Variants in NR4A3 observed in about 807,000 individuals in gnomAD.
NR4A3 encodes the protein nuclear receptor subfamily 4 group A member 3.
Under a neutral mutation model 55.6 loss-of-function variants are expected in NR4A3, and 13 were observed. The observed-to-expected ratio is 0.23, with a 90% confidence interval of 0.15 to 0.37. The LOEUF is 0.37. Among genes scored for constraint, NR4A3 ranks in the 10% least tolerant of loss-of-function variants. The pLI, the probability that NR4A3 is intolerant of heterozygous loss-of-function variation, is 1.00. For missense variants in NR4A3, 646 were observed against 822.8 expected, an observed-to-expected ratio of 0.79 and a Z score of 2.63; for synonymous variants, 342 against 357.9, an observed-to-expected ratio of 0.96 and a Z score of 0.50.
intron 7 of NR4A3, among the ~76,000 whole-genome samples, chr9:99,848,033 T>A (rs758973676): frequency 2.0e-5 from 3 of 152,130 alleles, no homozygotes; most frequent in Non-Finnish European, 4.4e-5. Context: ...GCCTCCTGAG[T>A]AGCTAGGACT....
chr9:99,841,772 A>C (rs1394771735), intron 5 of NR4A3, among the ~76,000 whole-genome samples: 2 of 137,678 alleles, frequency 1.5e-5, no homozygotes, highest in African/African-American at 2.5e-5. Flanking sequence ...GGAGTTCAAG[A>C]CCAGCCTAGG....
At chr9:99,826,815 G>A in intron 2 of NR4A3, 1 of 1,609,844 alleles carries the variant, frequency 6.2e-7, no homozygotes, top group Admixed American at 1.7e-5. Flanking sequence ...AGAGAAAGAT[G>A]TCAAAGGAAA....
At chr9:99,836,658 G>A (rs575220476) in intron 5 of NR4A3, among the ~76,000 whole-genome samples, 1 of 152,310 alleles carries the variant, frequency 6.6e-6, no homozygotes, top group Admixed American at 6.5e-5. Flanking sequence ...GAGAGAGGAG[G>A]GGGGCCTCTT....
chr9:99,839,857 A>G (rs1827621836), intron 5 of NR4A3, among the ~76,000 whole-genome samples: 1 of 152,216 alleles, frequency 6.6e-6, no homozygotes, highest in African/African-American at 2.4e-5. Context: ...TCTTTGTCAA[A>G]CCCCAAACCT....
chr9:99,858,592 T>C (rs563531622), intron 7 of NR4A3, among the ~76,000 whole-genome samples: 10 of 152,216 alleles, frequency 6.6e-5, no homozygotes, highest in Admixed American at 2.6e-4. Flanking sequence ...TAGGAGAGAG[T>C]TATAGAAAAG....
intron 3 of NR4A3, among the ~76,000 whole-genome samples, chr9:99,830,522 C>G (rs912829761): frequency 1.3e-5 from 2 of 152,196 alleles, no homozygotes; most frequent in Non-Finnish European, 2.9e-5. Context: ...ATATCACTAC[C>G]TGAATTCTGC....
intron 5 of NR4A3, 48 bp downstream of exon 5, chr9:99,833,502 T>C (rs370937137): frequency 1.1e-5 from 18 of 1,613,932 alleles, no homozygotes; most frequent in African/African-American, 4.0e-5. Context: ...AGGGTCTCTA[T>C]TTATGGCTAC....
chr9:99,862,058 C>T (rs1308469348), intron 7 of NR4A3, among the ~76,000 whole-genome samples: 1 of 151,122 alleles, frequency 6.6e-6, no homozygotes, highest in East Asian at 1.9e-4. Flanking sequence ...TGCACCACTG[C>T]ACTGCAGCCC....
rs771454842 is a variant in NR4A3 at position 99,828,489 on chromosome 9, C to T, written c.447C>T (p.Pro149=). 1.5e-5 allele frequency: 23 copies of T among 1,581,106 alleles called. No individual in the cohort carries two copies. The highest frequency in any genetic ancestry group is 2.0e-5 in the Non-Finnish European group (23 of 1,165,204). ...PPSTPTTPAF[P]PQAGALWDEA... ...CCACCCCCACCACGCCGGCCTTCCC[C>T]CCGCAGGCGGGGGCGTTATGGGACG... The change falls in exon 3 of 8, where the codon CCC becomes CCT. Residue 149 remains proline, a synonymous_variant. Coordinates refer to ENST00000395097, the MANE Select transcript of NR4A3 (RefSeq NM_006981.4). The surrounding 1 kb of genome is among the most constrained non-coding windows in gnomAD (Gnocchi z 7.7).
intron 6 of NR4A3, among the ~76,000 whole-genome samples, chr9:99,846,897 C>T (rs1480206355): frequency 6.6e-6 from 1 of 152,242 alleles, no homozygotes; most frequent in Non-Finnish European, 1.5e-5. Context: ...ATCCACCCGC[C>T]TTGGCCTCCC....
intron 7 of NR4A3, among the ~76,000 whole-genome samples, chr9:99,857,588 C>A (rs901706801): frequency 6.6e-6 from 1 of 151,936 alleles, no homozygotes; most frequent in African/African-American, 2.4e-5. Context: ...AGATGGACAC[C>A]ATCCTGGCCA....
In NR4A3 at chr9:99,850,407, A is replaced by C. The variant is rs373673807; in HGVS notation, c.1633+2792A>C. On this transcript the variant is annotated intron_variant, in intron 7 of 7. Transcript: ENST00000395097. ...GAAATTGACAGATATCTAAGAGGCC[A>C]GGACGTGTGGGTGCCAGGAAGACCC... Among the ~76,000 whole-genome samples, 27 of 152,380 alleles carry C rather than the reference A, an allele frequency of 1.8e-4. No individual in the cohort carries two copies. In the East Asian group the frequency reaches 2.7e-3, roughly 15 times the overall value.
chr9:99,844,237 C>CAA (rs756408731), intron 5 of NR4A3, among the ~76,000 whole-genome samples: 5 of 152,142 alleles, frequency 3.3e-5, no homozygotes, highest in Non-Finnish European at 7.4e-5. Context: ...CAGTAGTTCT[C>CAA]AATTGGGCTA....
intron 5 of NR4A3, among the ~76,000 whole-genome samples, chr9:99,836,234 C>A (rs1318002568): frequency 6.6e-6 from 1 of 152,030 alleles, no homozygotes; most frequent in Non-Finnish European, 1.5e-5. Flanking sequence ...GAAACCATCA[C>A]AAAGAAAGTT....
intron 7 of NR4A3, among the ~76,000 whole-genome samples, chr9:99,850,116 G>A (rs1180583692): frequency 2.0e-5 from 3 of 152,222 alleles, no homozygotes; most frequent in African/African-American, 7.2e-5. Flanking sequence ...TGATAGGTCA[G>A]GGTGGGGCGG....
chr9:99,831,794 G>A (rs1318521434), intron 3 of NR4A3, among the ~76,000 whole-genome samples: 3 of 152,140 alleles, frequency 2.0e-5, no homozygotes, highest in South Asian at 2.1e-4. Flanking sequence ...TTTGGAGGAC[G>A]AAATATGTTT....
intron 6 of NR4A3, 99 bp downstream of exon 6, chr9:99,844,947 G>A (rs779483603): frequency 8.4e-6 from 8 of 954,894 alleles, no homozygotes; most frequent in Non-Finnish European, 1.3e-5. Flanking sequence ...TTCTCAAGAA[G>A]CAAATGTGAA....
At chr9:99,861,031 T>C (rs1223776035) in intron 7 of NR4A3, among the ~76,000 whole-genome samples, 2 of 152,218 alleles carry the variant, frequency 1.3e-5, no homozygotes, top group African/African-American at 4.8e-5. Flanking sequence ...CCGATTTTCC[T>C]GTGAAGACAT....
rs2118188194 is a variant in NR4A3 at position 99,863,953 on chromosome 9, T to C, written c.*86T>C. The stretch of plus-strand genomic sequence containing the variant: ...GGGATAGGTTTGGAAACCTATCATT[T>C]CCTGTCCTTCCTTAAGAGGAAAAGC... On this transcript the variant is annotated 3_prime_UTR_variant, in exon 8 of 8. Coordinates refer to ENST00000395097, the MANE Select transcript of NR4A3 (RefSeq NM_006981.4). The C allele has an allele frequency of 7.0e-7, 1 of 1,433,040 alleles. No homozygotes were observed. The highest frequency in any genetic ancestry group is 1.4e-5 in the South Asian group (1 of 73,100). 88.8% of individuals were successfully genotyped at this position (1,433,040 alleles called of 1,614,324 possible).
Sources: allele counts gnomAD v4.1 joint callset (sites outside exome capture counted in the v4.1 genomes callset), GRCh38; gene constraint gnomAD v4.1.1; non-coding constraint Gnocchi (gnomAD v3.1); transcripts MANE v1.5; gene names NCBI Gene and HGNC (gene_info 2026-07-23, HGNC 2026-07-21).